PRTFDC1: variants seen among roughly 807,000 people sequenced by gnomAD.
The protein encoded by PRTFDC1 is phosphoribosyl transferase domain containing 1, also known as phosphoribosyltransferase domain-containing protein 1.
In PRTFDC1, 38 loss-of-function variants were observed where a neutral mutation model predicts 34.6. The observed-to-expected ratio is 1.10, with a 90% CI of 0.85 to 1.44. The LOEUF (loss-of-function observed/expected upper bound fraction) is 1.44, where lower values mean the gene tolerates loss of function less well. PRTFDC1 is among the 40% of genes most tolerant of loss of function. PRTFDC1 has a pLI of 0.00. For synonymous variants in PRTFDC1, 93 were observed against 98.1 expected (o/e 0.95, Z 0.31); for missense variants, 270 against 283.0 (o/e 0.95, Z 0.33).
chr10:24,857,672 T>C (rs1847605532), intron 5 of PRTFDC1, among the ~76,000 whole-genome samples: 1 of 152,134 alleles, frequency 6.6e-6, no homozygotes, highest in African/African-American at 2.4e-5. Context: ...GGTTAGAGGG[T>C]CTACTCCATG....
In PRTFDC1 at chr10:24,952,543, G is replaced by A; in HGVS notation, c.33C>T (p.Tyr11=). The A allele has an allele frequency of 6.3e-7, 1 of 1,590,780 alleles. No individual in the cohort carries two copies. The highest frequency in any genetic ancestry group is 8.6e-7 in the Non-Finnish European group (1 of 1,168,338). Residue 11 remains tyrosine, a synonymous_variant, in exon 1 of 9, where the codon TAC becomes TAT. Coordinates refer to ENST00000320152, the MANE Select transcript of PRTFDC1 (RefSeq NM_020200.7). The surrounding 1 kb of genome is among the most constrained non-coding windows in gnomAD (Gnocchi z 5.1). MAGSSEEAPD[Y]GRGVVIMDDW... is the part of the protein sequence containing the mutation. ...TTGCATTTACCACGACGCCTCGCCC[G>A]TAGTCTGGCGCCTCCTCGCTGCTCC...
intron 3 of PRTFDC1, among the ~76,000 whole-genome samples, chr10:24,884,485 A>AAAT (rs1848131714): frequency 6.6e-6 from 1 of 152,214 alleles, no homozygotes; most frequent in Admixed American, 6.5e-5. Context: ...CCATGCCTGC[A>AAAT]AAAGTCTGGT....
At chr10:24,942,826 T>G (rs1471719520) in intron 1 of PRTFDC1, among the ~76,000 whole-genome samples, 1 of 152,110 alleles carries the variant, frequency 6.6e-6, no homozygotes. Flanking sequence ...TTCTGTATTT[T>G]CAGTGGAGAT....
chr10:24,850,058 T>G (rs1435481445), intron 8 of PRTFDC1, among the ~76,000 whole-genome samples, 167 bp from the exon 9 acceptor site: 1 of 152,156 alleles, frequency 6.6e-6, no homozygotes, highest in Non-Finnish European at 1.5e-5. Flanking sequence ...CCCATTCAAG[T>G]GCTTGACAAA....
intron 2 of PRTFDC1, among the ~76,000 whole-genome samples, chr10:24,938,680 A>T (rs1849094684): frequency 6.6e-6 from 1 of 152,204 alleles, no homozygotes; most frequent in Admixed American, 6.5e-5. Flanking sequence ...TTAGACAGTC[A>T]TAGAACAGGG....
At chr10:24,950,013 T>C (rs12260419) in intron 1 of PRTFDC1, among the ~76,000 whole-genome samples, 8,854 of 152,086 alleles carry the variant, frequency 0.058, 851 homozygotes, top group African/African-American at 0.2. Context: ...GGATTACAGG[T>C]ATGAGCCACC....
At chr10:24,905,536 G>T (rs1848520996) in intron 3 of PRTFDC1, among the ~76,000 whole-genome samples, 4 of 151,948 alleles carry the variant, frequency 2.6e-5, no homozygotes, top group Admixed American at 1.3e-4. Flanking sequence ...TGGCCAAAAG[G>T]TCTCCTGACC....
At chr10:24,894,640 C>A (rs969182123) in intron 3 of PRTFDC1, among the ~76,000 whole-genome samples, 1 of 152,156 alleles carries the variant, frequency 6.6e-6, no homozygotes, top group African/African-American at 2.4e-5. Context: ...TCCTGCTCTG[C>A]GATCCCCAGG....
intron 3 of PRTFDC1, among the ~76,000 whole-genome samples, chr10:24,935,663 C>A (rs1435377001): frequency 6.6e-6 from 1 of 152,170 alleles, no homozygotes; most frequent in Non-Finnish European, 1.5e-5. Context: ...GGTGACTAGT[C>A]AGATGACTTT....
chr10:24,893,845 T>C (rs910766981), intron 3 of PRTFDC1, among the ~76,000 whole-genome samples: 7 of 152,160 alleles, frequency 4.6e-5, no homozygotes, highest in African/African-American at 7.2e-5. Flanking sequence ...GAGCATTATG[T>C]TGAACTTCAG....
intron 3 of PRTFDC1, among the ~76,000 whole-genome samples, chr10:24,884,203 A>C (rs2132529995): frequency 6.6e-6 from 1 of 152,276 alleles, no homozygotes; most frequent in East Asian, 1.9e-4. Context: ...TTAAATAATT[A>C]AATGAAAATG....
At chr10:24,916,571 T>C (rs1848698983) in intron 3 of PRTFDC1, among the ~76,000 whole-genome samples, 1 of 152,162 alleles carries the variant, frequency 6.6e-6, no homozygotes, top group Non-Finnish European at 1.5e-5. Flanking sequence ...CTAAGGGCCA[T>C]TGCACTTGCT....
chr10:24,859,890 G>C lies in PRTFDC1; in HGVS notation c.406-1481C>G, dbSNP rs191775912. On this transcript the variant is annotated intron_variant, in intron 4 of 8. Transcript: ENST00000320152. ...TTTGTTGAATAAAGCAATAATAACTGATTAAACTTATTACTGAGTTAAAAC... is the reference window on the plus strand; with the variant it reads ...TTTGTTGAATAAAGCAATAATAACTCATTAAACTTATTACTGAGTTAAAAC... 2.4e-4 allele frequency among the ~76,000 whole-genome samples: 36 copies of C among 152,234 alleles called. No individual in the cohort carries two copies. The East Asian group carries it at 5.8e-3, about 24-fold the overall frequency.
chr10:24,880,619 T>C (rs1848050327), intron 3 of PRTFDC1, among the ~76,000 whole-genome samples: 1 of 152,216 alleles, frequency 6.6e-6, no homozygotes, highest in Non-Finnish European at 1.5e-5. Context: ...ACTGACCCCA[T>C]GAGGCATATG....
intron 3 of PRTFDC1, among the ~76,000 whole-genome samples, chr10:24,879,936 G>A (rs1848036347): frequency 6.6e-6 from 1 of 152,128 alleles, no homozygotes; most frequent in African/African-American, 2.4e-5. Context: ...GGTGAGTGGG[G>A]AGAAGGGAGA....
chr10:24,876,471 G>A (rs368076412), intron 3 of PRTFDC1, among the ~76,000 whole-genome samples: 122 of 152,116 alleles, frequency 8.0e-4, no homozygotes, highest in Non-Finnish European at 1.4e-3. Context: ...CGAGGCAGGC[G>A]GATCACGAGG....
intron 3 of PRTFDC1, among the ~76,000 whole-genome samples, chr10:24,929,681 AC>A (rs1270288925): frequency 6.6e-6 from 1 of 152,220 alleles, no homozygotes; most frequent in Non-Finnish European, 1.5e-5. Flanking sequence ...CTTTATCCTC[AC>A]ATTGGATTGC....
chr10:24,936,227 C>A (rs1382101060), intron 3 of PRTFDC1, among the ~76,000 whole-genome samples: 1 of 151,862 alleles, frequency 6.6e-6, no homozygotes, highest in African/African-American at 2.4e-5. Context: ...TGCATTAAAT[C>A]AAAAAGCATC....
intron 8 of PRTFDC1, among the ~76,000 whole-genome samples, chr10:24,850,476 A>T (rs1319639506): frequency 2.6e-5 from 4 of 152,076 alleles, no homozygotes; most frequent in Non-Finnish European, 4.4e-5. Flanking sequence ...TACAGCAAGT[A>T]AAAATATTAG....
Sources: gnomAD v4.1 joint callset for allele counts (sites outside exome capture counted in the v4.1 genomes callset) on GRCh38, gnomAD v4.1.1 for gene constraint, Gnocchi (gnomAD v3.1) non-coding constraint, MANE v1.5 for transcripts, NCBI Gene and HGNC (gene_info 2026-07-23, HGNC 2026-07-21) for gene names.